The following IL17RD variants were observed in gnomAD, a reference collection of about 807,000 sequenced individuals.
IL17RD encodes interleukin 17 receptor D.
Under a neutral mutation model 80.5 loss-of-function variants are expected in IL17RD, and 52 were observed. The observed-to-expected ratio is 0.65, with a 90% CI of 0.52 to 0.81. The LOEUF is 0.81. IL17RD is among the 40% of genes least tolerant of loss of function. The probability of loss-of-function intolerance (pLI) is 0.00; values close to 1 mark genes in which losing one functional copy is unlikely to be tolerated. For synonymous variants in IL17RD, 416 were observed against 391.8 expected, an observed-to-expected ratio of 1.06 and a Z score of -0.73; for missense variants, 1,024 against 955.1, an observed-to-expected ratio of 1.07 and a Z score of -0.95.
At chr3:57,135,551 G>T (rs574718963) in intron 1 of IL17RD, among the ~76,000 whole-genome samples, 1 of 152,308 alleles carries the variant, frequency 6.6e-6, no homozygotes, top group South Asian at 2.1e-4. Flanking sequence ...TTTTGAAGAA[G>T]ACTCTTCCAG....
In IL17RD at chr3:57,099,613, C is replaced by T. The variant is rs185917969; in HGVS notation, c.1165-1075G>A. Reference sequence around the variant, plus strand: ...ATCCATCCACTTGCTGAAAATAACCCTGAATTGTCTTATACTTTCCTTAAT... The same window carrying T: ...ATCCATCCACTTGCTGAAAATAACCTTGAATTGTCTTATACTTTCCTTAAT... On this transcript the variant is annotated intron_variant, in intron 11 of 12. Transcript: ENST00000296318. Among the ~76,000 whole-genome samples the T allele has an allele frequency of 7.2e-5, 11 of 152,320 alleles. 1 individual carries two copies. Among genetic ancestry groups the T allele is most frequent in the Admixed American group, 3.3e-4 (5 of 15,292 alleles).
At chr3:57,169,022 T>C (rs978793848), upstream of IL17RD, among the ~76,000 whole-genome samples, 1 of 152,224 alleles carries the variant, frequency 6.6e-6, no homozygotes, top group Non-Finnish European at 1.5e-5. Flanking sequence ...CCAGTCTCCA[T>C]CTCCTCTTTT....
rs1706746389 is a variant in IL17RD, at chr3:57,098,335, G to A, written c.1368C>T (p.Ala456=). 1.2e-6 allele frequency: 2 copies of A among 1,613,920 alleles called. No homozygotes were observed. The highest frequency in any genetic ancestry group is 2.7e-5 in the African/African-American group (2 of 74,936). The part of the protein sequence containing the change: ...KGELFLVAVS[A]IAEKLRQAKQ... Reference sequence around the variant, plus strand: ...TGGCCTGGCGGAGCTTTTCGGCAATGGCTGACACCGCCACCAGGAAGAGCT... The same window carrying A: ...TGGCCTGGCGGAGCTTTTCGGCAATAGCTGACACCGCCACCAGGAAGAGCT... Residue 456 remains alanine, a synonymous_variant, in exon 12 of 13, where the codon GCC becomes GCT. Coordinates refer to ENST00000296318, the MANE Select transcript of IL17RD (RefSeq NM_017563.5).
chr3:57,112,445 G>A (rs1295436815), intron 3 of IL17RD, among the ~76,000 whole-genome samples: 2 of 152,152 alleles, frequency 1.3e-5, no homozygotes, highest in Non-Finnish European at 2.9e-5. Context: ...GAACCTAACA[G>A]AAACTCTCCA....
intron 1 of IL17RD, among the ~76,000 whole-genome samples, chr3:57,155,526 AT>A (rs1346947707): frequency 2.6e-5 from 4 of 152,260 alleles, no homozygotes; most frequent in East Asian, 1.9e-4. Context: ...AATTAAGCAT[AT>A]TTTTTATGCT....
At chr3:57,110,146 TG>T (rs1298634553) in intron 4 of IL17RD, 46 bp downstream of exon 4, 1 of 1,554,528 alleles carries the variant, frequency 6.4e-7, no homozygotes, top group Non-Finnish European at 8.7e-7. Flanking sequence ...TTCAGGACCC[TG>T]GAACAATGGC....
chr3:57,117,741 A>G (rs1341186250), intron 2 of IL17RD, among the ~76,000 whole-genome samples: 1 of 152,220 alleles, frequency 6.6e-6, no homozygotes, highest in African/African-American at 2.4e-5. Context: ...TTCAATGGAA[A>G]ATATGGAATA....
chr3:57,157,071 G>A (rs1441788720), intron 1 of IL17RD, among the ~76,000 whole-genome samples: 1 of 152,216 alleles, frequency 6.6e-6, no homozygotes, highest in East Asian at 1.9e-4. Flanking sequence ...AAGCTAGAGA[G>A]TGGTATGGAG....
At chr3:57,135,118 A>AAAAC (rs199700566) in intron 1 of IL17RD, among the ~76,000 whole-genome samples, 2 of 150,436 alleles carry the variant, frequency 1.3e-5, no homozygotes, top group African/African-American at 5.0e-5. Context: ...AAAACAAACA[A>AAAAC]AAACAAACAA....
chr3:57,161,336 G>A (rs1480864534), intron 1 of IL17RD, among the ~76,000 whole-genome samples: 1 of 152,216 alleles, frequency 6.6e-6, no homozygotes, highest in Non-Finnish European at 1.5e-5. Context: ...ACATGTCTGG[G>A]CCCACAGCCA....
chr3:57,109,394 C>T, intron 5 of IL17RD, 143 bp downstream of exon 5: 1 of 758,658 alleles, frequency 1.3e-6, no homozygotes, highest in Non-Finnish European at 2.1e-6. Context: ...ATCTGCCTGC[C>T]TCGGCCTCCC....
chr3:57,143,325 C>T (rs1559482643), intron 1 of IL17RD, among the ~76,000 whole-genome samples: 1 of 151,352 alleles, frequency 6.6e-6, no homozygotes, highest in Non-Finnish European at 1.5e-5. Context: ...CTGGAGGGAC[C>T]TATCTCCACT....
intron 1 of IL17RD, chr3:57,134,551 T>G: frequency 7.1e-7 from 1 of 1,402,936 alleles, no homozygotes; most frequent in Non-Finnish European, 1.0e-6. Context: ...TGGATTCTCA[T>G]GGAACACATC....
intron 2 of IL17RD, 149 bp downstream of exon 2, chr3:57,120,107 A>C (rs1381500310): frequency 1.5e-6 from 1 of 650,358 alleles, no homozygotes; most frequent in Non-Finnish European, 2.8e-6. Flanking sequence ...GGCCTAATTG[A>C]GACTGAGCTG....
In IL17RD at chr3:57,165,326, G is replaced by A. The variant is rs1006798152; in HGVS notation, c.-40C>T. 4.6e-6 allele frequency: 6 copies of A among 1,312,100 alleles called. No homozygotes were observed. Among genetic ancestry groups the A allele is most frequent in the African/African-American group, 1.5e-5 (1 of 64,868 alleles). 81.3% of individuals were successfully genotyped at this position (1,312,100 alleles called of 1,614,324 possible). A position where few individuals can be genotyped will look rare whatever the true frequency, so the allele number is the denominator to read the frequency against. ...CCAGCCAGGCCGTTCTCTGCGCCCC[G>A]GCCGCCCGCCGCTGGCCAGCCCCGA... is the stretch of plus-strand genomic sequence containing the variant. On this transcript the variant is annotated 5_prime_UTR_variant, in exon 1 of 13. Transcript: ENST00000296318.
intron 1 of IL17RD, among the ~76,000 whole-genome samples, chr3:57,131,864 T>C (rs985196433): frequency 3.9e-5 from 6 of 152,148 alleles, no homozygotes; most frequent in Admixed American, 3.9e-4. Context: ...TGTTGAATAA[T>C]AGAGAGTGGT....
intron 1 of IL17RD, among the ~76,000 whole-genome samples, 176 bp from the exon 2 acceptor site, chr3:57,120,489 C>T (rs558727277): frequency 2.0e-5 from 3 of 152,346 alleles, no homozygotes; most frequent in Non-Finnish European, 4.4e-5. Flanking sequence ...GTCAAACTCC[C>T]GCCAGCCCAG....
rs144128926 is a variant in IL17RD at position 57,120,235 on chromosome 3, G to A, written c.184+21C>T. ...ATGACTCAAAGGGCTCCATTCTTCA[G>A]CAATAAAGGCGGTTACTTACTGTCA... On this transcript the variant is annotated intron_variant, in intron 2 of 12. Coordinates refer to ENST00000296318, the MANE Select transcript of IL17RD (RefSeq NM_017563.5). 621 of 1,585,622 alleles carry A rather than the reference G, an allele frequency of 3.9e-4. 5 individuals are homozygous for A. In the East Asian group the frequency reaches 0.012, roughly 31 times the overall value.
At position 57,096,270 on chromosome 3, in the gene IL17RD, T is replaced by C; in HGVS notation, c.*123A>G. 1.4e-6 allele frequency: 1 copy of C among 719,302 alleles called. No homozygotes were observed. The highest frequency in any genetic ancestry group is 2.5e-6 in the Non-Finnish European group (1 of 392,456). 44.6% of individuals were successfully genotyped at this position (719,302 alleles called of 1,614,324 possible). ...AAGGGAGAACAAGTACTGGCCAGCA[T>C]TTCACTCCAAATATCCTTGTATGAG... On this transcript the variant is annotated 3_prime_UTR_variant, in exon 13 of 13. Coordinates refer to ENST00000296318, the MANE Select transcript of IL17RD (RefSeq NM_017563.5).
Sources: gnomAD v4.1 joint callset for allele counts (sites outside exome capture counted in the v4.1 genomes callset) on GRCh38, gnomAD v4.1.1 for gene constraint, MANE v1.5 for transcripts, NCBI Gene and HGNC (gene_info 2026-07-23, HGNC 2026-07-21) for gene names.